BUB1: variants seen among roughly 807,000 people sequenced by gnomAD.
The protein encoded by BUB1 is mitotic checkpoint serine/threonine-protein kinase BUB1.
A neutral mutation model predicts 135.2 loss-of-function variants in BUB1; 84 were observed. The ratio of observed to expected loss-of-function variants is 0.62; its 90% CI spans 0.52 to 0.74. The LOEUF is 0.74. BUB1 is among the 30% of genes least tolerant of loss of function. BUB1 has a pLI of 0.00. For synonymous variants in BUB1, 403 were observed against 434.4 expected (o/e 0.93, Z 0.90); for missense variants, 1,162 against 1,288.3 (o/e 0.90, Z 1.50).
At chr2:110,653,283 T>C (rs2104530661) in intron 17 of BUB1, among the ~76,000 whole-genome samples, 153 bp downstream of exon 17, 1 of 152,370 alleles carries the variant, frequency 6.6e-6, no homozygotes, top group South Asian at 2.1e-4. Context: ...ACCTTCTGAC[T>C]TAAAGCTACT....
At chr2:110,653,562 G>C in intron 16 of BUB1, 39 bp from the exon 17 acceptor site, 1 of 1,494,426 alleles carries the variant, frequency 6.7e-7, no homozygotes, top group South Asian at 1.1e-5. Flanking sequence ...TATGTTAGAT[G>C]CACATGTGTG....
rs1173203947 is a variant in BUB1, at chr2:110,637,802, T to C, written c.*162A>G. The C allele has an allele frequency of 3.7e-6, 2 of 534,252 alleles. No individual in the cohort carries two copies. The highest frequency in any genetic ancestry group is 3.0e-6 in the Non-Finnish European group (1 of 337,434). The allele number at this position is 534,252 out of a possible 1,614,324, so 33.1% of individuals were successfully genotyped here. ...TATATAGGGACCTTATGGGGTTGTA[T>C]ATTTTGTTGAAATATTTATAACAAC... On this transcript the variant is annotated 3_prime_UTR_variant, in exon 25 of 25. Coordinates refer to ENST00000302759, the MANE Select transcript of BUB1 (RefSeq NM_004336.5).
chr2:110,641,770 T>A lies in BUB1; in HGVS notation c.2497A>T (p.Ile833Phe). ...AGTCTTTCCATCAACTGGGTCCCAATGTAGAATTCCCAGGGGTTGGCAGGC... is the reference window on the plus strand; with the variant it reads ...AGTCTTTCCATCAACTGGGTCCCAAAGTAGAATTCCCAGGGGTTGGCAGGC... Reference protein sequence around the residue: ...QKPANPWEFYIGTQLMERLKP... With the variant: ...QKPANPWEFYFGTQLMERLKP... Residue 833 changes from isoleucine to phenylalanine, a missense_variant, in exon 21 of 25, where the codon ATT (isoleucine) becomes TTT (phenylalanine). Ile to Phe is a conservative substitution (Grantham distance 21). Coordinates refer to ENST00000302759, the MANE Select transcript of BUB1 (RefSeq NM_004336.5). The A allele has an allele frequency of 6.2e-7, 1 of 1,608,698 alleles. No homozygotes were observed. The highest frequency in any genetic ancestry group is 8.5e-7 in the Non-Finnish European group (1 of 1,179,940).
intron 14 of BUB1, 100 bp downstream of exon 14, chr2:110,657,446 C>T (rs1689962691): frequency 1.2e-6 from 1 of 824,400 alleles, no homozygotes; most frequent in East Asian, 2.9e-5. Context: ...GCTCATTTGA[C>T]CATGTGATTG....
intron 3 of BUB1, 142 bp downstream of exon 3, chr2:110,673,944 A>T: frequency 2.8e-6 from 2 of 714,652 alleles, no homozygotes; most frequent in South Asian, 3.9e-5. Context: ...CTGTTGAATC[A>T]GAGAATGAAC....
At chr2:110,666,477 T>G in intron 8 of BUB1, 63 bp from the exon 9 acceptor site, 1 of 1,220,854 alleles carries the variant, frequency 8.2e-7, no homozygotes, top group Non-Finnish European at 1.0e-6. Context: ...TAGGAATACA[T>G]GCAAAATGAG....
intron 19 of BUB1, chr2:110,642,470 T>C (rs1689530046): frequency 7.2e-6 from 2 of 278,102 alleles, no homozygotes; most frequent in Non-Finnish European, 1.4e-5. Flanking sequence ...TTTGCCTGTG[T>C]TCTAGGATAC....
At chr2:110,677,061 C>T (rs1690609617) in intron 1 of BUB1, among the ~76,000 whole-genome samples, 1 of 152,116 alleles carries the variant, frequency 6.6e-6, no homozygotes, top group Non-Finnish European at 1.5e-5. Flanking sequence ...CTAACACCAA[C>T]CACATTTCTC....
chr2:110,677,768 C>T (rs1484085783), intron 1 of BUB1, among the ~76,000 whole-genome samples: 1 of 152,242 alleles, frequency 6.6e-6, no homozygotes, highest in African/African-American at 2.4e-5. Flanking sequence ...GATGGGCGGA[C>T]AAGCGCCGGG....
intron 4 of BUB1, 145 bp downstream of exon 4, chr2:110,672,516 T>G: frequency 1.3e-6 from 1 of 751,996 alleles, no homozygotes; most frequent in Non-Finnish European, 1.9e-6. Context: ...TCTGAGCAGT[T>G]TTTTTCTTTA....
intron 4 of BUB1, 49 bp from the exon 5 acceptor site, chr2:110,670,617 C>T (rs1297781278): frequency 6.3e-7 from 1 of 1,579,016 alleles, no homozygotes; most frequent in Non-Finnish European, 8.7e-7. Context: ...ACTTACAGTA[C>T]ATAGCTGTTA....
At chr2:110,661,460 C>T in intron 10 of BUB1, 122 bp downstream of exon 10, 1 of 1,272,742 alleles carries the variant, frequency 7.9e-7, no homozygotes, top group Non-Finnish European at 1.1e-6. Context: ...ACATACCTAT[C>T]TAAAAATAAA....
chr2:110,649,901 TTA>T (rs1163582122), intron 18 of BUB1, among the ~76,000 whole-genome samples: 1 of 152,102 alleles, frequency 6.6e-6, no homozygotes, highest in African/African-American at 2.4e-5. Flanking sequence ...TTACAAAAAA[TTA>T]TATTAGTGGC....
chr2:110,655,353 T>C (rs1689899335), intron 16 of BUB1, among the ~76,000 whole-genome samples: 1 of 152,218 alleles, frequency 6.6e-6, no homozygotes, highest in East Asian at 1.9e-4. Flanking sequence ...TTAGAAAATA[T>C]AAATGTTCAT....
rs148467943 is a variant in BUB1 at position 110,676,933 on chromosome 2, TA to T, written c.26+1036del. Among the ~76,000 whole-genome samples, 5 of 152,136 alleles carry T rather than the reference TA, an allele frequency of 3.3e-5. No homozygotes were observed. The South Asian group carries it at 8.3e-4, about 25-fold the overall frequency. On this transcript the variant is annotated intron_variant, in intron 1 of 24. Coordinates refer to ENST00000302759, the MANE Select transcript of BUB1 (RefSeq NM_004336.5). ...TGCTTATTTTTAAAACTAAAAAAAA[TA>T]ATAATTCTGAAGTTTGAATGTCTCT... is the stretch of plus-strand genomic sequence containing the variant.
chr2:110,665,069 A>G (rs1343172816), intron 9 of BUB1, among the ~76,000 whole-genome samples: 1 of 152,202 alleles, frequency 6.6e-6, no homozygotes. Flanking sequence ...TTTCTACATG[A>G]TACACTCCCT....
chr2:110,649,179 C>A, intron 19 of BUB1, 55 bp downstream of exon 19: 3 of 1,530,852 alleles, frequency 2.0e-6, no homozygotes, highest in South Asian at 1.2e-5. Context: ...ACGTTACCAT[C>A]AACTTCTCAT....
At chr2:110,671,172 C>A (rs577047720) in intron 4 of BUB1, among the ~76,000 whole-genome samples, 1 of 152,234 alleles carries the variant, frequency 6.6e-6, no homozygotes, top group South Asian at 2.1e-4. Context: ...TCAAACAAAC[C>A]AATGGTTAAG....
intron 19 of BUB1, among the ~76,000 whole-genome samples, chr2:110,647,472 A>C (rs1346343514): frequency 1.3e-5 from 2 of 152,198 alleles, no homozygotes; most frequent in Middle Eastern, 3.2e-3. Context: ...CCATCACATC[A>C]ACAAAGAATC....
Sources: allele counts gnomAD v4.1 joint callset (sites outside exome capture counted in the v4.1 genomes callset), GRCh38; gene constraint gnomAD v4.1.1; transcripts MANE v1.5; gene names NCBI Gene and HGNC (gene_info 2026-07-23, HGNC 2026-07-21).